The following EBF2 variants were observed in gnomAD, a reference collection of about 807,000 sequenced individuals.
EBF2 encodes transcription factor COE2.
A neutral mutation model predicts 72.8 loss-of-function variants in EBF2; 21 were observed. That is an observed-to-expected ratio of 0.29 (90% CI 0.20 to 0.42). The LOEUF (loss-of-function observed/expected upper bound fraction) is 0.42, where lower values mean the gene tolerates loss of function less well. EBF2 is among the 10% of genes least tolerant of loss of function. The pLI, the probability that EBF2 is intolerant of heterozygous loss-of-function variation, is 1.00. For missense variants in EBF2, 637 were observed against 731.2 expected (o/e 0.87, Z 1.49); for synonymous variants, 299 against 274.2 (o/e 1.09, Z -0.89).
At chr8:25,896,060 T>A (rs1201896484) in intron 7 of EBF2, among the ~76,000 whole-genome samples, 1 of 152,104 alleles carries the variant, frequency 6.6e-6, no homozygotes, top group Non-Finnish European at 1.5e-5. Context: ...CTTTTTCAGC[T>A]CCTACCCAGG....
At chr8:25,849,457 G>T (rs1323756264) in intron 15 of EBF2, among the ~76,000 whole-genome samples, 2 of 152,168 alleles carry the variant, frequency 1.3e-5, no homozygotes. Flanking sequence ...GCCCATCCAA[G>T]GTTCCCCATC....
In EBF2 at chr8:25,855,289, A is replaced by T. The variant is rs534694139; in HGVS notation, c.1528+3030T>A. The stretch of plus-strand genomic sequence containing the variant: ...GAGCTAAGGGGTCTGTCAGCATTTC[A>T]TTATAATCCCCTATTGTCAGGGGTT... On this transcript the variant is annotated intron_variant, in intron 14 of 15. Transcript: ENST00000520164. Among the ~76,000 whole-genome samples, 56 of 152,266 alleles carry T rather than the reference A, an allele frequency of 3.7e-4. 1 individual carries two copies. The highest frequency in any genetic ancestry group is 1.3e-3 in the African/African-American group (54 of 41,568).
At chr8:25,919,448 T>C (rs1016917808) in intron 6 of EBF2, among the ~76,000 whole-genome samples, 1 of 152,194 alleles carries the variant, frequency 6.6e-6, no homozygotes, top group Admixed American at 6.5e-5. Context: ...GCAAAGTCAC[T>C]ATACTATCAG....
intron 4 of EBF2, among the ~76,000 whole-genome samples, 166 bp from the exon 5 acceptor site, chr8:26,040,267 G>T (rs1805575989): frequency 6.6e-6 from 1 of 152,126 alleles, no homozygotes; most frequent in Non-Finnish European, 1.5e-5. Flanking sequence ...GTTTGGACTC[G>T]ACTGAAATCA....
chr8:25,915,315 C>T (rs138440643), intron 6 of EBF2, among the ~76,000 whole-genome samples: 397 of 151,302 alleles, frequency 2.6e-3, no homozygotes, highest in Middle Eastern at 0.017. Flanking sequence ...TGTTGCCACG[C>T]GGCACTGTTT....
rs565084851 is a variant in EBF2 at position 25,957,822 on chromosome 8, C to T, written c.552-49267G>A. On this transcript the variant is annotated intron_variant, in intron 6 of 15. Transcript: ENST00000520164. ...TCAAGATCGTGGTGAACCATGATTG[C>T]ATGACCAAGGTACAACTGGAGAGGC... 5.9e-5 allele frequency among the ~76,000 whole-genome samples: 9 copies of T among 152,320 alleles called. No individual in the cohort carries two copies. In the South Asian group the frequency reaches 1.9e-3, roughly 32 times the overall value.
intron 6 of EBF2, among the ~76,000 whole-genome samples, chr8:25,999,444 C>T (rs1438001777): frequency 1.3e-5 from 2 of 152,200 alleles, no homozygotes; most frequent in East Asian, 1.9e-4. Flanking sequence ...TGAAAACTCT[C>T]ATCTGACGAA....
intron 7 of EBF2, among the ~76,000 whole-genome samples, chr8:25,893,607 A>G (rs2117297254): frequency 6.6e-6 from 1 of 152,234 alleles, no homozygotes; most frequent in South Asian, 2.1e-4. Context: ...GAGCTGTCCT[A>G]GGCACACTAA....
intron 10 of EBF2, among the ~76,000 whole-genome samples, chr8:25,870,547 A>G (rs985010855): frequency 3.3e-5 from 5 of 152,046 alleles, no homozygotes; most frequent in Non-Finnish European, 7.4e-5. Context: ...TCAGAGAGGA[A>G]TTTTCTGGAG....
At chr8:26,012,608 G>A (rs1020453361) in intron 6 of EBF2, among the ~76,000 whole-genome samples, 2 of 152,034 alleles carry the variant, frequency 1.3e-5, no homozygotes, top group African/African-American at 4.8e-5. Flanking sequence ...TGCAGAGATG[G>A]GCAGATAAGG....
Position 26,041,082 on chromosome 8 carries a change from C to T in EBF2, c.289-80G>A, listed in dbSNP as rs956668111. The T allele has an allele frequency of 2.7e-6, 4 of 1,497,014 alleles. No homozygotes were observed. The East Asian group carries it at 9.1e-5, about 34-fold the overall frequency. 92.7% of individuals were successfully genotyped at this position (1,497,014 alleles called of 1,614,324 possible). ...GAAAGAGGAGACAGTGAATCCCCAC[C>T]TCACATCCCTTCTCCCCATCAAAAG... On this transcript the variant is annotated intron_variant, in intron 2 of 15. Coordinates refer to ENST00000520164, the MANE Select transcript of EBF2 (RefSeq NM_022659.4).
At chr8:26,036,826 T>C (rs1805508690) in intron 5 of EBF2, among the ~76,000 whole-genome samples, 1 of 152,090 alleles carries the variant, frequency 6.6e-6, no homozygotes, top group South Asian at 2.1e-4. Flanking sequence ...GCTTTTAGGA[T>C]TATTCTCCAA....
At chr8:25,950,701 C>T (rs1209451269) in intron 6 of EBF2, among the ~76,000 whole-genome samples, 7 of 152,174 alleles carry the variant, frequency 4.6e-5, no homozygotes, top group Admixed American at 4.6e-4. Flanking sequence ...AAGGTTTCCC[C>T]TAGTTGTTCT....
At chr8:25,850,880 TAAAA>T (rs913523397) in intron 14 of EBF2, 119 bp from the exon 15 acceptor site, 11 of 959,638 alleles carry the variant, frequency 1.1e-5, no homozygotes, top group African/African-American at 7.3e-5. Flanking sequence ...TTGCAGGGAT[TAAAA>T]AAAAAAAGTT....
chr8:25,878,824 C>T (rs563654220), intron 10 of EBF2, among the ~76,000 whole-genome samples: 1 of 152,284 alleles, frequency 6.6e-6, no homozygotes, highest in South Asian at 2.1e-4. Flanking sequence ...AGTCCCTCCC[C>T]TCCTCACTCC....
intron 10 of EBF2, among the ~76,000 whole-genome samples, chr8:25,873,159 A>AT (rs1478493438): frequency 6.6e-6 from 1 of 152,188 alleles, no homozygotes; most frequent in African/African-American, 2.4e-5. Context: ...ATTGCATATG[A>AT]TGGTGTGATG....
chr8:25,929,907 G>T (rs894820185), intron 6 of EBF2, among the ~76,000 whole-genome samples: 1 of 152,200 alleles, frequency 6.6e-6, no homozygotes, highest in African/African-American at 2.4e-5. Flanking sequence ...GTAAGGGGGA[G>T]ACCTGGGGAA....
intron 6 of EBF2, among the ~76,000 whole-genome samples, chr8:25,981,543 G>A (rs1447692562): frequency 1.3e-5 from 2 of 152,048 alleles, no homozygotes; most frequent in Admixed American, 1.3e-4. Flanking sequence ...GGTGGCTCAC[G>A]CCTATCAGTA....
chr8:26,011,615 G>A (rs891796260), intron 6 of EBF2, among the ~76,000 whole-genome samples: 2 of 152,008 alleles, frequency 1.3e-5, no homozygotes, highest in African/African-American at 4.8e-5. Context: ...CTTCCCAGAA[G>A]GTCTTTAGTA....
Sources: gnomAD v4.1 joint callset for allele counts (sites outside exome capture counted in the v4.1 genomes callset) on GRCh38, gnomAD v4.1.1 for gene constraint, MANE v1.5 for transcripts, NCBI Gene and HGNC (gene_info 2026-07-23, HGNC 2026-07-21) for gene names.